PLCG2: variants seen among roughly 807,000 people sequenced by gnomAD.
PLCG2 encodes phospholipase C gamma 2.
In PLCG2, 69 loss-of-function variants were observed where a neutral mutation model predicts 175.6. That is an observed-to-expected ratio of 0.39 (90% CI 0.32 to 0.48). PLCG2 has a LOEUF of 0.48. Among genes scored for constraint, PLCG2 ranks in the 20% least tolerant of loss-of-function variants. PLCG2 has a pLI of 0.91. For missense variants in PLCG2, 1,798 were observed against 1,650.9 expected (o/e 1.09, Z -1.54); for synonymous variants, 827 against 624.0 (o/e 1.33, Z -4.85).
intron 30 of PLCG2, among the ~76,000 whole-genome samples, chr16:81,941,735 T>A (rs916629005): frequency 6.6e-6 from 1 of 151,666 alleles, no homozygotes; most frequent in African/African-American, 2.4e-5. Context: ...TCTTGCTCTG[T>A]CGCTCAGGCT....
intron 2 of PLCG2, among the ~76,000 whole-genome samples, chr16:81,819,963 G>A (rs1904722792): frequency 3.3e-5 from 5 of 152,108 alleles, no homozygotes; most frequent in Admixed American, 3.3e-4. Flanking sequence ...TAGAACCTTT[G>A]GAAAAGATAG....
chr16:81,874,242 C>A (rs918090123), intron 7 of PLCG2, among the ~76,000 whole-genome samples: 1 of 152,192 alleles, frequency 6.6e-6, no homozygotes. Flanking sequence ...AGGGTCACAT[C>A]TCGCCATGGA....
chr16:81,895,088 G>T (rs1908817922), intron 12 of PLCG2, among the ~76,000 whole-genome samples: 1 of 152,128 alleles, frequency 6.6e-6, no homozygotes, highest in East Asian at 1.9e-4. Context: ...CCCTCCAGGG[G>T]TCCAAAAGAT....
At position 81,935,475 on chromosome 16, in the gene PLCG2, A is replaced by T. The variant is rs1485005161; in HGVS notation, c.2843-694A>T. On this transcript the variant is annotated intron_variant, in intron 26 of 32. Transcript: ENST00000564138. ...CATTCTCCAGGTAGCAAGCTTTTTGATGATGCTGTACGTATTTTTTTCTTT... is the reference window on the plus strand; with the variant it reads ...CATTCTCCAGGTAGCAAGCTTTTTGTTGATGCTGTACGTATTTTTTTCTTT... 4.2e-6 allele frequency: 4 copies of T among 956,234 alleles called. No homozygotes were observed. In the African/African-American group the frequency reaches 7.1e-5, roughly 17 times the overall value. The allele number at this position is 956,234 out of a possible 1,614,324, so 59.2% of individuals were successfully genotyped here. A position where few individuals can be genotyped will look rare whatever the true frequency, so the allele number is the denominator to read the frequency against.
At chr16:81,764,611 A>G (rs1025894623) in intron 2 of PLCG2, among the ~76,000 whole-genome samples, 7 of 152,316 alleles carry the variant, frequency 4.6e-5, no homozygotes, top group Non-Finnish European at 1.0e-4. Flanking sequence ...TGGCCATCCC[A>G]GCTGTGTCAG....
chr16:81,897,034 G>T (rs1254238089), intron 13 of PLCG2, among the ~76,000 whole-genome samples: 3 of 152,212 alleles, frequency 2.0e-5, no homozygotes. Context: ...GGTCTCTGTT[G>T]CAACTATTCA....
intron 2 of PLCG2, among the ~76,000 whole-genome samples, chr16:81,772,547 C>T (rs774968903): frequency 1.4e-4 from 21 of 151,904 alleles, no homozygotes; most frequent in South Asian, 2.1e-4. Context: ...CGGTGGCTCA[C>T]GCCTATAATC....
chr16:81,881,515 A>T (rs1008973611), intron 8 of PLCG2, among the ~76,000 whole-genome samples: 1 of 152,208 alleles, frequency 6.6e-6, no homozygotes, highest in Non-Finnish European at 1.5e-5. Flanking sequence ...ACTGGGAGAA[A>T]TGTTGGCCCT....
rs150312478 is a variant in PLCG2, at chr16:81,863,585, G to T, written c.479+4422G>T. Among the ~76,000 whole-genome samples the T allele has an allele frequency of 1.3e-4, 20 of 152,274 alleles. No homozygotes were observed. In the East Asian group the frequency reaches 3.7e-3, roughly 28 times the overall value. On this transcript the variant is annotated intron_variant, in intron 5 of 32. Transcript: ENST00000564138. Reference sequence around the variant, plus strand: ...ATCCAGAAGCTGAATTGCTGGATCAGTTGCTGGATTGCTGTGTATATATCC... The same window carrying T: ...ATCCAGAAGCTGAATTGCTGGATCATTTGCTGGATTGCTGTGTATATATCC...
intron 14 of PLCG2, 37 bp downstream of exon 14, chr16:81,900,817 A>T: frequency 6.4e-7 from 1 of 1,574,096 alleles, no homozygotes; most frequent in South Asian, 1.1e-5. Context: ...CTGTCCAGGG[A>T]GCCCAGTGGC....
At chr16:81,944,400 TTAAAG>T (rs769538520) in intron 30 of PLCG2, among the ~76,000 whole-genome samples, 2 of 152,200 alleles carry the variant, frequency 1.3e-5, no homozygotes, top group Middle Eastern at 3.2e-3. Context: ...GTCTTGGGTA[TTAAAG>T]TAATCTAATT....
At chr16:81,778,628 G>C (rs1238733972), upstream of PLCG2, among the ~76,000 whole-genome samples, 1 of 152,114 alleles carries the variant, frequency 6.6e-6, no homozygotes, top group Non-Finnish European at 1.5e-5. Context: ...GACTCCCTTT[G>C]GGGCTGGCAC....
intron 25 of PLCG2, among the ~76,000 whole-genome samples, 199 bp from the exon 26 acceptor site, chr16:81,934,230 C>T (rs1023447563): frequency 2.0e-5 from 3 of 152,112 alleles, no homozygotes. Context: ...CTCGTGGAAA[C>T]AGCTTTGTCG....
At position 81,929,060 on chromosome 16, in the gene PLCG2, C is replaced by T. The variant is rs1416062580; in HGVS notation, c.2581+436C>T. 9.8e-5 allele frequency among the ~76,000 whole-genome samples: 15 copies of T among 152,354 alleles called. No homozygotes were observed. The East Asian group carries it at 2.7e-3, about 27-fold the overall frequency. Reference sequence around the variant, plus strand: ...CCTGTCACTTCTCCTCTTTGAACCTCTGCTTCCTGGTTGCTCGGCTGGGGC... The same window carrying T: ...CCTGTCACTTCTCCTCTTTGAACCTTTGCTTCCTGGTTGCTCGGCTGGGGC... On this transcript the variant is annotated intron_variant, in intron 24 of 32. Coordinates refer to ENST00000564138, the MANE Select transcript of PLCG2 (RefSeq NM_002661.5).
chr16:81,881,013 C>G, intron 8 of PLCG2, 60 bp downstream of exon 8: 1 of 1,551,682 alleles, frequency 6.4e-7, no homozygotes, highest in Non-Finnish European at 8.9e-7. Context: ...GCCTGGTGCC[C>G]AGCCGGCCTC....
Position 81,923,587 on chromosome 16 carries a change from G to C in PLCG2, c.2410G>C (p.Gly804Arg), listed in dbSNP as rs1216454496. The change falls in exon 22 of 33, where the codon GGG (glycine) becomes CGG (arginine). Residue 804 changes from glycine to arginine, a missense_variant. By Grantham distance (125) the Gly-to-Arg change is moderately radical. Transcript: ENST00000564138. ...ALIHNVSKEP[G>R]GWWKGDYGTR... ...CATCCACAATGTCTCCAAGGAGCCCGGGGGCTGGTAAGGCTGAGTGGAGGC... is the reference window on the plus strand; with the variant it reads ...CATCCACAATGTCTCCAAGGAGCCCCGGGGCTGGTAAGGCTGAGTGGAGGC... The C allele has an allele frequency of 2.5e-6, 4 of 1,600,350 alleles. No homozygotes were observed. Among genetic ancestry groups the C allele is most frequent in the South Asian group, 1.1e-5 (1 of 90,606 alleles).
chr16:81,882,006 G>C (rs56045537), intron 8 of PLCG2, among the ~76,000 whole-genome samples: 1 of 152,290 alleles, frequency 6.6e-6, no homozygotes, highest in Non-Finnish European at 1.5e-5. Flanking sequence ...TGAGGCTGGT[G>C]GGGAAAGGTT....
intron 3 of PLCG2, among the ~76,000 whole-genome samples, chr16:81,857,296 C>T (rs1311737662): frequency 6.6e-6 from 1 of 152,186 alleles, no homozygotes; most frequent in Non-Finnish European, 1.5e-5. Flanking sequence ...TTGAGAAACT[C>T]TGCTCTGGAG....
intron 1 of PLCG2, chr16:81,740,110 C>G (rs910777393): frequency 7.3e-5 from 10 of 136,362 alleles, no homozygotes; most frequent in African/African-American, 2.7e-4. Flanking sequence ...TGCATACCAG[C>G]CTGGGTAACA....
Sources: allele counts gnomAD v4.1 joint callset (sites outside exome capture counted in the v4.1 genomes callset), GRCh38; gene constraint gnomAD v4.1.1; transcripts MANE v1.5; gene names NCBI Gene and HGNC (gene_info 2026-07-23, HGNC 2026-07-21).